CAV1: variants seen among roughly 807,000 people sequenced by gnomAD.
The protein encoded by CAV1 is caveolin 1, also known as caveolin-1.
In CAV1, 10 loss-of-function variants were observed where a neutral mutation model predicts 16.5. The ratio of observed to expected loss-of-function variants is 0.61; its 90% CI spans 0.37 to 1.03. CAV1 has a LOEUF of 1.03. Among genes scored for constraint, CAV1 ranks in the 50% least tolerant of loss-of-function variants. The probability of loss-of-function intolerance (pLI) is 0.01; values close to 1 mark genes in which losing one functional copy is unlikely to be tolerated. For synonymous variants in CAV1, 76 were observed against 85.1 expected, an observed-to-expected ratio of 0.89 and a Z score of 0.59; for missense variants, 212 against 232.8, an observed-to-expected ratio of 0.91 and a Z score of 0.58.
chr7:116,551,092 T>C (rs1466646205), intron 2 of CAV1, among the ~76,000 whole-genome samples: 2 of 152,214 alleles, frequency 1.3e-5, no homozygotes, highest in Middle Eastern at 3.2e-3. Context: ...TCTAGTCTTT[T>C]GCACGAGACA....
intron 2 of CAV1, among the ~76,000 whole-genome samples, chr7:116,550,491 C>T (rs1285985978): frequency 6.6e-6 from 1 of 152,154 alleles, no homozygotes; most frequent in Non-Finnish European, 1.5e-5. Context: ...AGCCTTTTCC[C>T]CAGAGGTGTC....
intron 2 of CAV1, among the ~76,000 whole-genome samples, chr7:116,555,721 A>T (rs1794282593): frequency 6.6e-6 from 1 of 151,816 alleles, no homozygotes; most frequent in African/African-American, 2.4e-5. Context: ...AGATTTTTTA[A>T]ATGCTACTAT....
At chr7:116,543,860 C>T (rs1793987407) in intron 2 of CAV1, among the ~76,000 whole-genome samples, 1 of 152,078 alleles carries the variant, frequency 6.6e-6, no homozygotes, top group African/African-American at 2.4e-5. Context: ...CATCTGTGAG[C>T]AATAGGATCA....
intron 2 of CAV1, among the ~76,000 whole-genome samples, chr7:116,553,821 G>A (rs182291548): frequency 2.2e-4 from 34 of 152,280 alleles, no homozygotes; most frequent in South Asian, 4.1e-4. Flanking sequence ...TGAACAATGA[G>A]CCCATTAGAG....
intron 2 of CAV1, among the ~76,000 whole-genome samples, chr7:116,536,885 C>T (rs1793828071): frequency 1.3e-5 from 2 of 151,706 alleles, no homozygotes; most frequent in African/African-American, 4.8e-5. Context: ...CGCCTGTAGT[C>T]CCAGCTACTC....
intron 2 of CAV1, 93 bp from the exon 3 acceptor site, chr7:116,558,853 C>T: frequency 1.1e-6 from 1 of 931,892 alleles, no homozygotes; most frequent in Non-Finnish European, 1.7e-6. Flanking sequence ...CTCATAAATG[C>T]TAATACAGTA....
At chr7:116,550,433 A>G (rs1187376497) in intron 2 of CAV1, among the ~76,000 whole-genome samples, 1 of 152,224 alleles carries the variant, frequency 6.6e-6, no homozygotes, top group Non-Finnish European at 1.5e-5. Flanking sequence ...AGGCATCTAC[A>G]GTACAATCCA....
intron 2 of CAV1, among the ~76,000 whole-genome samples, chr7:116,530,359 C>T (rs1793664261): frequency 6.6e-6 from 1 of 152,030 alleles, no homozygotes; most frequent in Admixed American, 6.5e-5. Flanking sequence ...TACTGTAAGC[C>T]TTCTCATCAT....
rs113428660 is a variant in CAV1, at chr7:116,526,343, C to G, written c.31-182C>G. On this transcript the variant is annotated intron_variant, in intron 1 of 2. Transcript: ENST00000341049. ...CTGCGAGATCCTCTTAAAAAGCTGG[C>G]TACGCGCAGGCGGTTTCTGTGCACG... 1.1e-5 allele frequency: 16 copies of G among 1,475,614 alleles called. No individual in the cohort carries two copies. The African/African-American group carries it at 1.8e-4, about 17-fold the overall frequency. The allele number at this position is 1,475,614 out of a possible 1,614,324, so 91.4% of individuals were successfully genotyped here. A position where few individuals can be genotyped will look rare whatever the true frequency, so the allele number is the denominator to read the frequency against.
At chr7:116,558,608 C>T (rs1794338300) in intron 2 of CAV1, among the ~76,000 whole-genome samples, 1 of 150,730 alleles carries the variant, frequency 6.6e-6, no homozygotes, top group Non-Finnish European at 1.5e-5. Flanking sequence ...AAAGGATTAG[C>T]CAAGTGTGGT....
chr7:116,527,655 T>C (rs1247527186), intron 2 of CAV1, among the ~76,000 whole-genome samples: 2 of 152,170 alleles, frequency 1.3e-5, no homozygotes, highest in African/African-American at 2.4e-5. Flanking sequence ...AAGGGTTTTC[T>C]CTGAGAAATG....
At chr7:116,526,280 A>C in intron 1 of CAV1, 2 of 1,274,134 alleles carry the variant, frequency 1.6e-6, no homozygotes, top group African/African-American at 1.5e-5. Context: ...CGGGGGAGGC[A>C]GGCGCGCCCT....
At chr7:116,557,732 G>A (rs1468916413) in intron 2 of CAV1, among the ~76,000 whole-genome samples, 1 of 151,104 alleles carries the variant, frequency 6.6e-6, no homozygotes, top group Non-Finnish European at 1.5e-5. Flanking sequence ...TTTTTTTTAT[G>A]ACCACCTTTC....
chr7:116,536,952 G>A lies in CAV1; in HGVS notation c.195+10263G>A, dbSNP rs554741801. ...CAGGAAGCGGAGCTTGCAGTGAGCCGAGATTGCGCCATTGCAGTCCGCAGT... is the reference window on the plus strand; with the variant it reads ...CAGGAAGCGGAGCTTGCAGTGAGCCAAGATTGCGCCATTGCAGTCCGCAGT... On this transcript the variant is annotated intron_variant, in intron 2 of 2. Transcript: ENST00000341049. Among the ~76,000 whole-genome samples, 336 of 139,770 alleles carry A rather than the reference G, an allele frequency of 2.4e-3. 3 individuals are homozygous for A. The highest frequency in any genetic ancestry group is 8.2e-3 in the African/African-American group (310 of 37,930). The allele number at this position is 139,770 out of a possible 152,430, so 91.7% of individuals were successfully genotyped here.
intron 2 of CAV1, among the ~76,000 whole-genome samples, chr7:116,553,343 C>T (rs1794200942): frequency 6.6e-6 from 1 of 151,880 alleles, no homozygotes; most frequent in African/African-American, 2.4e-5. Flanking sequence ...TGTGTTAACT[C>T]ATGTTTCTGA....
At position 116,559,378 on chromosome 7, in the gene CAV1, C is replaced by T; in HGVS notation, c.*91C>T. On this transcript the variant is annotated 3_prime_UTR_variant, in exon 3 of 3. Coordinates refer to ENST00000341049, the MANE Select transcript of CAV1 (RefSeq NM_001753.5). The stretch of plus-strand genomic sequence containing the variant: ...AAGTTCCAAGTTGCTAATACAGCAA[C>T]AATTTATGAATTGAATTATCTTGGT... The T allele has an allele frequency of 2.4e-6, 2 of 831,442 alleles. No homozygotes were observed. The highest frequency in any genetic ancestry group is 4.0e-6 in the Non-Finnish European group (2 of 497,016). 51.5% of individuals were successfully genotyped at this position (831,442 alleles called of 1,614,324 possible).
rs1348790830 is a variant in CAV1 at position 116,526,590 on chromosome 7, G to A, written c.96G>A (p.Met32Ile). 1 of 1,614,166 alleles carries A rather than the reference G, an allele frequency of 6.2e-7. No homozygotes were observed. The highest frequency in any genetic ancestry group is 8.5e-7 in the Non-Finnish European group (1 of 1,180,034). Residue 32 changes from methionine (M) to isoleucine (I), a missense_variant, in exon 2 of 3, where the codon ATG becomes ATA. Met to Ile is a conservative substitution (Grantham distance 10). Transcript: ENST00000341049. ...GNIYKPNNKA[M>I]ADELSEKQVY... ...TCTACAAGCCCAACAACAAGGCCAT[G>A]GCAGACGAGCTGAGCGAGAAGCAAG...
chr7:116,527,802 C>G (rs1479781086), intron 2 of CAV1, among the ~76,000 whole-genome samples: 1 of 149,038 alleles, frequency 6.7e-6, no homozygotes, highest in Non-Finnish European at 1.5e-5. Context: ...AGCTATAGTT[C>G]ACAAACCGTT....
At chr7:116,555,378 G>A (rs1794238715) in intron 2 of CAV1, among the ~76,000 whole-genome samples, 1 of 150,314 alleles carries the variant, frequency 6.7e-6, no homozygotes, top group Middle Eastern at 3.2e-3. Context: ...GGTCAAGGCT[G>A]CAGTGGGCAG....
Sources: allele counts gnomAD v4.1 joint callset (sites outside exome capture counted in the v4.1 genomes callset), GRCh38; gene constraint gnomAD v4.1.1; transcripts MANE v1.5; gene names NCBI Gene and HGNC (gene_info 2026-07-23, HGNC 2026-07-21).